FARSB: variants seen among roughly 807,000 people sequenced by gnomAD.
FARSB encodes phenylalanyl-tRNA synthetase subunit beta.
Under a neutral mutation model 69.6 loss-of-function variants are expected in FARSB, and 40 were observed. That is an observed-to-expected ratio of 0.57 (90% CI 0.45 to 0.75). The LOEUF (loss-of-function observed/expected upper bound fraction) is 0.75. Ranked by LOEUF, FARSB falls within the 30% of genes least tolerant of loss-of-function variation. The pLI is 0.00. For synonymous variants in FARSB, 235 were observed against 247.2 expected (o/e 0.95, Z 0.46); for missense variants, 632 against 722.9 (o/e 0.87, Z 1.44).
intron 15 of FARSB, among the ~76,000 whole-genome samples, chr2:222,607,578 T>C (rs2106204653): frequency 6.6e-6 from 1 of 151,630 alleles, no homozygotes; most frequent in Non-Finnish European, 1.5e-5. Context: ...AAGCATAACA[T>C]ATGCTTGTAT....
At chr2:222,598,120 T>A (rs1286715785) in intron 16 of FARSB, among the ~76,000 whole-genome samples, 1 of 152,256 alleles carries the variant, frequency 6.6e-6, no homozygotes, top group Non-Finnish European at 1.5e-5. Context: ...AACTCCCTAT[T>A]GTTTTTCTGG....
rs1689709468 is a variant in FARSB at position 222,571,148 on chromosome 2, T to C, written c.*723A>G. 6.6e-6 allele frequency: 1 copy of C among 152,198 alleles called. No homozygotes were observed. Among genetic ancestry groups the C allele is most frequent in the South Asian group, 2.1e-4 (1 of 4,836 alleles). 9.4% of individuals were successfully genotyped at this position (152,198 alleles called of 1,614,324 possible). A position where few individuals can be genotyped will look rare whatever the true frequency, so the allele number is the denominator to read the frequency against. Reference sequence around the variant, plus strand: ...TGTATGGCCTATGGCAAAAATAAGCTTCTCATTGTTTCCTAATGTTCATAC... The same window carrying C: ...TGTATGGCCTATGGCAAAAATAAGCCTCTCATTGTTTCCTAATGTTCATAC... On this transcript the variant is annotated 3_prime_UTR_variant, in exon 17 of 17. Transcript: ENST00000281828.
At position 222,600,066 on chromosome 2, in the gene FARSB, AG is replaced by A. The variant is rs747779783; in HGVS notation, c.1479del (p.Tyr494ThrfsTer41). ...KDSNTDVGAK[N>X]YRHLCAVYYN... ...TAATAAACAGCACAGAGATGTCTGT[AG>A]TTTTTTGCACCTACATCTAGAAAAA... is the stretch of plus-strand genomic sequence containing the variant. On this transcript the variant is annotated frameshift_variant, in exon 16 of 17. Transcript: ENST00000281828. LOFTEE classifies it high-confidence loss of function. 6.2e-7 allele frequency: 1 copy of A among 1,606,708 alleles called. No individual in the cohort carries two copies.
At chr2:222,609,193 TC>T (rs752880641) in intron 15 of FARSB, among the ~76,000 whole-genome samples, 2 of 152,168 alleles carry the variant, frequency 1.3e-5, no homozygotes, top group East Asian at 3.8e-4. Flanking sequence ...ATCACAGAAG[TC>T]AATCTGTGTT....
intron 16 of FARSB, among the ~76,000 whole-genome samples, chr2:222,582,535 TA>T (rs1297015774): frequency 2.6e-5 from 4 of 152,232 alleles, no homozygotes; most frequent in Admixed American, 6.5e-5. Context: ...GTAATAAGGA[TA>T]AATTTTAAGC....
intron 10 of FARSB, among the ~76,000 whole-genome samples, chr2:222,625,593 A>G (rs1691248514): frequency 6.6e-6 from 1 of 152,204 alleles, no homozygotes; most frequent in South Asian, 2.1e-4. Context: ...ACTGAAGCCC[A>G]ATCTGCACGT....
In FARSB at chr2:222,624,274, G is replaced by C. The variant is rs759739651; in HGVS notation, c.1168C>G (p.Gln390Glu). The change falls in exon 12 of 17, where the codon CAA (glutamine) becomes GAA (glutamate). Residue 390 changes from glutamine to glutamate, a missense_variant and splice_region_variant. Gln to Glu is a conservative substitution (Grantham distance 29). Transcript: ENST00000281828. ...TTTATTTAAGGGTGCAATCTTACTT[G>C]ATTAGCTATGGTGTAAGTTTTCGGG... ...TLPKTYTIAN[Q>E]FPLNKLTELL... The C allele has an allele frequency of 6.3e-6, 10 of 1,587,600 alleles. No homozygotes were observed. The highest frequency in any genetic ancestry group is 1.7e-5 in the Admixed American group (1 of 59,986).
chr2:222,625,095 G>A (rs951963363), intron 10 of FARSB, among the ~76,000 whole-genome samples: 7 of 152,136 alleles, frequency 4.6e-5, no homozygotes, highest in Admixed American at 1.3e-4. Flanking sequence ...TTCCAAAGAC[G>A]TTTATAAATC....
intron 1 of FARSB, among the ~76,000 whole-genome samples, chr2:222,649,323 C>G (rs1432206862): frequency 1.4e-5 from 2 of 148,062 alleles, no homozygotes; most frequent in East Asian, 2.1e-4. Flanking sequence ...TTAATCTACA[C>G]TAATATCAAC....
At chr2:222,618,646 A>T (rs1691057291) in intron 14 of FARSB, among the ~76,000 whole-genome samples, 1 of 152,228 alleles carries the variant, frequency 6.6e-6, no homozygotes, top group Non-Finnish European at 1.5e-5. Context: ...AACACAAATC[A>T]CTTAATACTC....
At chr2:222,610,014 G>C (rs1309944968) in intron 15 of FARSB, among the ~76,000 whole-genome samples, 1 of 152,172 alleles carries the variant, frequency 6.6e-6, no homozygotes, top group Non-Finnish European at 1.5e-5. Flanking sequence ...GAGCTACCAA[G>C]GGGCAACTGG....
At chr2:222,590,539 C>A (rs1690241679) in intron 16 of FARSB, among the ~76,000 whole-genome samples, 1 of 140,202 alleles carries the variant, frequency 7.1e-6, no homozygotes, top group Non-Finnish European at 1.5e-5. Flanking sequence ...ATATCCTACC[C>A]TTTTAGGCCA....
At chr2:222,588,822 C>A (rs1359674609) in intron 16 of FARSB, among the ~76,000 whole-genome samples, 4 of 152,118 alleles carry the variant, frequency 2.6e-5, no homozygotes, top group African/African-American at 9.7e-5. Context: ...AAAACTTCTT[C>A]AAGGAGAACT....
At chr2:222,600,229 AATAAG>A (rs1045315621) in intron 15 of FARSB, 146 bp from the exon 16 acceptor site, 17 of 599,806 alleles carry the variant, frequency 2.8e-5, no homozygotes, top group Non-Finnish European at 4.4e-5. Context: ...ACAAATGCAA[AATAAG>A]ATAAAATAGT....
At chr2:222,599,652 T>A (rs533794877) in intron 16 of FARSB, among the ~76,000 whole-genome samples, 2 of 152,198 alleles carry the variant, frequency 1.3e-5, no homozygotes, top group Non-Finnish European at 2.9e-5. Context: ...GCCAGTGATT[T>A]AGCCATTTTG....
At chr2:222,639,361 A>C (rs538268122) in intron 5 of FARSB, among the ~76,000 whole-genome samples, 1 of 152,330 alleles carries the variant, frequency 6.6e-6, no homozygotes, top group South Asian at 2.1e-4. Context: ...ACAAGCAGTA[A>C]AAGGTATCTG....
intron 16 of FARSB, among the ~76,000 whole-genome samples, chr2:222,574,649 G>A (rs1689792215): frequency 6.6e-6 from 1 of 152,056 alleles, no homozygotes; most frequent in Admixed American, 6.6e-5. Flanking sequence ...TAAAAATGAA[G>A]CCCAGTCATA....
At chr2:222,633,744 TAAAG>T (rs1691505162) in intron 6 of FARSB, among the ~76,000 whole-genome samples, 1 of 149,830 alleles carries the variant, frequency 6.7e-6, no homozygotes, top group Admixed American at 6.6e-5. Flanking sequence ...AGACCCAAAT[TAAAG>T]AAAGCTCTAA....
Position 222,568,849 on chromosome 2 carries a change from A to C in FARSB, c.*3022T>G, listed in dbSNP as rs1273991936. ...AGCGAGACTCCGTCTAAAAAAACAA[A>C]AAACAAACAAAACTAGAAGAGCACT... is the stretch of plus-strand genomic sequence containing the variant. On this transcript the variant is annotated 3_prime_UTR_variant, in exon 17 of 17. Coordinates refer to ENST00000281828, the MANE Select transcript of FARSB (RefSeq NM_005687.5). The surrounding 1 kb of genome is among the most constrained non-coding windows in gnomAD (Gnocchi z 4.3). The C allele has an allele frequency of 1.3e-5, 2 of 152,352 alleles. No individual in the cohort carries two copies. Among genetic ancestry groups the C allele is most frequent in the South Asian group, 4.1e-4 (2 of 4,824 alleles). 9.4% of individuals were successfully genotyped at this position (152,352 alleles called of 1,614,324 possible). A position where few individuals can be genotyped will look rare whatever the true frequency, so the allele number is the denominator to read the frequency against.
Sources: allele counts gnomAD v4.1 joint callset (sites outside exome capture counted in the v4.1 genomes callset), GRCh38; gene constraint gnomAD v4.1.1; non-coding constraint Gnocchi (gnomAD v3.1); transcripts MANE v1.5; gene names NCBI Gene and HGNC (gene_info 2026-07-23, HGNC 2026-07-21).